Variants in SND1 observed in about 807,000 individuals in gnomAD.
SND1 encodes staphylococcal nuclease domain-containing protein 1.
Under a neutral mutation model 121.7 loss-of-function variants are expected in SND1, and 38 were observed. The ratio of observed to expected loss-of-function variants is 0.31; its 90% confidence interval spans 0.24 to 0.41. SND1 has a LOEUF of 0.41. Among genes scored for constraint, SND1 ranks in the 10% least tolerant of loss-of-function variants. The pLI, the probability that SND1 is intolerant of heterozygous loss-of-function variation, is 1.00. For synonymous variants in SND1, 401 were observed against 447.4 expected (o/e 0.90, Z 1.31); for missense variants, 868 against 1,184.6 (o/e 0.73, Z 3.92).
At chr7:127,752,193 G>A (rs1797108332) in intron 10 of SND1, among the ~76,000 whole-genome samples, 1 of 152,118 alleles carries the variant, frequency 6.6e-6, no homozygotes, top group South Asian at 2.1e-4. Flanking sequence ...TTGACATGCT[G>A]GTCTCCATAT....
chr7:128,033,740 A>G (rs991204870), intron 16 of SND1, among the ~76,000 whole-genome samples: 1 of 152,162 alleles, frequency 6.6e-6, no homozygotes, highest in Non-Finnish European at 1.5e-5. Context: ...CAACCCTATT[A>G]TTCATTTTAT....
intron 9 of SND1, among the ~76,000 whole-genome samples, chr7:127,719,000 G>A (rs1357079313): frequency 6.6e-6 from 1 of 152,068 alleles, no homozygotes; most frequent in African/African-American, 2.4e-5. Context: ...TATCCTTTGG[G>A]TATCTGTTTG....
Position 128,091,758 on chromosome 7 carries a change from C to G in SND1, c.2623-79C>G, listed in dbSNP as rs892913595. The G allele has an allele frequency of 1.2e-5, 17 of 1,476,622 alleles. No individual in the cohort carries two copies. In the East Asian group the frequency reaches 3.8e-4, roughly 33 times the overall value. The allele number at this position is 1,476,622 out of a possible 1,614,324, so 91.5% of individuals were successfully genotyped here. On this transcript the variant is annotated intron_variant, in intron 22 of 23. Coordinates refer to ENST00000354725, the MANE Select transcript of SND1 (RefSeq NM_014390.4). ...AGCAAGGGAGAGCTCTGGCGCTTAC[C>G]TAAGCATTCTGCAGGGTCCTGCTGG...
intron 14 of SND1, among the ~76,000 whole-genome samples, chr7:127,914,724 G>A (rs967866969): frequency 2.0e-5 from 3 of 152,164 alleles, no homozygotes; most frequent in Non-Finnish European, 2.9e-5. Flanking sequence ...GTAAAAGAAC[G>A]CAGCAGAAAG....
intron 12 of SND1, among the ~76,000 whole-genome samples, chr7:127,851,132 T>C (rs1226539430): frequency 3.3e-5 from 5 of 152,260 alleles, no homozygotes; most frequent in Non-Finnish European, 5.9e-5. Flanking sequence ...ATTTAGCTTT[T>C]CATAATGGCA....
intron 16 of SND1, among the ~76,000 whole-genome samples, chr7:128,050,304 G>A (rs1255941541): frequency 1.3e-5 from 2 of 152,198 alleles, no homozygotes; most frequent in Admixed American, 6.5e-5. Flanking sequence ...CAGACAAATT[G>A]AGGCAGAAGG....
intron 2 of SND1, among the ~76,000 whole-genome samples, chr7:127,687,694 T>G (rs1487603806): frequency 6.6e-6 from 1 of 152,122 alleles, no homozygotes; most frequent in African/African-American, 2.4e-5. Context: ...CTGATTTTTT[T>G]TGTTTTGTTT....
chr7:127,871,477 T>G (rs1012881298), intron 12 of SND1, among the ~76,000 whole-genome samples: 3 of 152,196 alleles, frequency 2.0e-5, no homozygotes, highest in African/African-American at 7.2e-5. Flanking sequence ...GCAGATTTTT[T>G]TAGCTCCATT....
At chr7:127,857,035 A>G (rs1173543015) in intron 12 of SND1, among the ~76,000 whole-genome samples, 2 of 152,124 alleles carry the variant, frequency 1.3e-5, no homozygotes, top group Non-Finnish European at 2.9e-5. Flanking sequence ...AAAGCAAGAA[A>G]CCAAAAATAC....
chr7:127,961,789 A>G (rs564193093), intron 15 of SND1, among the ~76,000 whole-genome samples: 1 of 151,836 alleles, frequency 6.6e-6, no homozygotes, highest in Non-Finnish European at 1.5e-5. Flanking sequence ...GCCAGTGTCC[A>G]CTCCCTCGCC....
At chr7:127,652,718 A>G (rs1795143836) in intron 1 of SND1, among the ~76,000 whole-genome samples, 1 of 152,232 alleles carries the variant, frequency 6.6e-6, no homozygotes, top group Admixed American at 6.5e-5. Flanking sequence ...TTACCAGGAC[A>G]GATCGATTAC....
chr7:128,049,922 T>A (rs961865851), intron 16 of SND1, among the ~76,000 whole-genome samples: 1 of 152,056 alleles, frequency 6.6e-6, no homozygotes. Flanking sequence ...TTGGCTGGAA[T>A]TGGGGAGGCT....
intron 10 of SND1, among the ~76,000 whole-genome samples, chr7:127,754,790 A>G (rs1361306581): frequency 6.6e-6 from 1 of 152,376 alleles, no homozygotes; most frequent in East Asian, 1.9e-4. Context: ...TGCAGTCTCA[A>G]CTGGGGAACC....
intron 16 of SND1, among the ~76,000 whole-genome samples, chr7:128,016,917 T>C (rs1803237263): frequency 6.6e-6 from 1 of 152,248 alleles, no homozygotes; most frequent in African/African-American, 2.4e-5. Flanking sequence ...CATTTGGAAG[T>C]ACTGGACAGA....
intron 12 of SND1, among the ~76,000 whole-genome samples, chr7:127,880,463 T>C (rs1454243924): frequency 6.6e-6 from 1 of 152,134 alleles, no homozygotes; most frequent in Non-Finnish European, 1.5e-5. Context: ...TTATATTTCA[T>C]TTCTTTCCTT....
At chr7:127,827,744 C>T (rs1438199543) in intron 11 of SND1, among the ~76,000 whole-genome samples, 5 of 152,096 alleles carry the variant, frequency 3.3e-5, no homozygotes, top group Admixed American at 6.5e-5. Flanking sequence ...CAGTTTTAAC[C>T]ATTTATTATG....
intron 13 of SND1, among the ~76,000 whole-genome samples, chr7:127,890,970 G>T (rs1291235309): frequency 1.3e-5 from 2 of 152,102 alleles, no homozygotes; most frequent in African/African-American, 2.4e-5. Context: ...TGCCCATGAG[G>T]CATTGCCATA....
At chr7:128,030,329 C>T in intron 16 of SND1, 1 of 1,614,108 alleles carries the variant, frequency 6.2e-7, no homozygotes, top group Non-Finnish European at 8.5e-7. Flanking sequence ...TGCCCAACTG[C>T]AGGACCTCCA....
chr7:128,006,016 G>A (rs185908826), intron 16 of SND1, among the ~76,000 whole-genome samples: 27 of 152,316 alleles, frequency 1.8e-4, no homozygotes, highest in Non-Finnish European at 2.8e-4. Context: ...TTTGCCAAAG[G>A]TGCAAAGGTT....
Sources: allele counts gnomAD v4.1 joint callset (sites outside exome capture counted in the v4.1 genomes callset), GRCh38; gene constraint gnomAD v4.1.1; transcripts MANE v1.5; gene names NCBI Gene and HGNC (gene_info 2026-07-23, HGNC 2026-07-21).